GPC6: variants seen among roughly 807,000 people sequenced by gnomAD.
The protein encoded by GPC6 is glypican 6.
GPC6 carries 14 observed loss-of-function variants against 55.2 expected under a neutral mutation model. That is an observed-to-expected ratio of 0.25 (90% CI 0.17 to 0.40). GPC6 has a LOEUF of 0.40. Ranked by LOEUF, GPC6 falls within the 10% of genes least tolerant of loss-of-function variation. GPC6 has a pLI of 1.00. For missense variants in GPC6, 641 were observed against 708.5 expected (o/e 0.90, Z 1.08); for synonymous variants, 278 against 259.6 (o/e 1.07, Z -0.68).
At position 94,179,718 on chromosome 13, in the gene GPC6, A is replaced by T. The variant is rs191658623; in HGVS notation, c.878-106631A>T. Among the ~76,000 whole-genome samples, 17 of 152,354 alleles carry T rather than the reference A, an allele frequency of 1.1e-4. No homozygotes were observed. In the East Asian group the frequency reaches 3.3e-3, roughly 29 times the overall value. ...TTTCTGTAGTTAGCTGAGAAAGCAC[A>T]ACAGGAGGAAAATTTTGCTTTTGAT... On this transcript the variant is annotated intron_variant, in intron 4 of 8. Coordinates refer to ENST00000377047, the MANE Select transcript of GPC6 (RefSeq NM_005708.5).
chr13:93,966,855 A>G (rs9589874), intron 3 of GPC6, among the ~76,000 whole-genome samples: 2,472 of 152,012 alleles, frequency 0.016, 80 homozygotes, highest in African/African-American at 0.057. Context: ...GGGTCTTGCT[A>G]TGTTGCCCAG....
intron 3 of GPC6, among the ~76,000 whole-genome samples, chr13:93,852,895 G>T (rs1268483043): frequency 6.6e-6 from 1 of 151,534 alleles, no homozygotes; most frequent in African/African-American, 2.4e-5. Context: ...GCTTATTAAA[G>T]TTTATTTTGT....
At chr13:94,010,334 A>G (rs1283718507) in intron 3 of GPC6, among the ~76,000 whole-genome samples, 1 of 152,196 alleles carries the variant, frequency 6.6e-6, no homozygotes, top group African/African-American at 2.4e-5. Flanking sequence ...TAACATCAGA[A>G]GGCCAAGGGT....
chr13:93,852,480 C>T lies in GPC6; in HGVS notation c.711+21935C>T, dbSNP rs7326594. 4.6e-3 allele frequency among the ~76,000 whole-genome samples: 702 copies of T among 151,794 alleles called. 7 individuals are homozygous for T. Among genetic ancestry groups the T allele is most frequent in the African/African-American group, 0.016 (673 of 41,482 alleles). On this transcript the variant is annotated intron_variant, in intron 3 of 8. Coordinates refer to ENST00000377047, the MANE Select transcript of GPC6 (RefSeq NM_005708.5). The stretch of plus-strand genomic sequence containing the variant: ...AGCACTCCAAATAATTTCATGATTT[C>T]TACTGGAAATTTTCAGGACTTAGCA...
At chr13:93,312,033 T>G (rs1005125929) in intron 1 of GPC6, among the ~76,000 whole-genome samples, 1 of 152,144 alleles carries the variant, frequency 6.6e-6, no homozygotes, top group Non-Finnish European at 1.5e-5. Flanking sequence ...AATAAACAAC[T>G]CATTAGGAAA....
intron 1 of GPC6, among the ~76,000 whole-genome samples, chr13:93,501,199 G>A (rs1281479635): frequency 2.6e-5 from 4 of 152,046 alleles, no homozygotes; most frequent in Non-Finnish European, 5.9e-5. Context: ...GTTGGTAGTG[G>A]GTTTTGAAGT....
intron 2 of GPC6, among the ~76,000 whole-genome samples, chr13:93,616,544 A>G (rs1443416438): frequency 6.6e-6 from 1 of 152,112 alleles, no homozygotes; most frequent in Admixed American, 6.6e-5. Flanking sequence ...CTTTCTCTGG[A>G]TTTGCAAGAG....
At chr13:93,787,692 A>G (rs1885857937) in intron 2 of GPC6, among the ~76,000 whole-genome samples, 1 of 152,176 alleles carries the variant, frequency 6.6e-6, no homozygotes, top group South Asian at 2.1e-4. Context: ...CAGTTGATTT[A>G]TTCTCTTCTA....
chr13:93,563,177 GA>G (rs1176520250), intron 2 of GPC6, among the ~76,000 whole-genome samples: 3 of 151,884 alleles, frequency 2.0e-5, no homozygotes, highest in African/African-American at 4.8e-5. Context: ...TTCTCACTTC[GA>G]CAATATTGGA....
At chr13:94,213,927 G>T (rs1196365218) in intron 4 of GPC6, among the ~76,000 whole-genome samples, 1 of 152,154 alleles carries the variant, frequency 6.6e-6, no homozygotes, top group African/African-American at 2.4e-5. Flanking sequence ...CTTTAGCTGT[G>T]AAATATTTTT....
At position 93,385,467 on chromosome 13, in the gene GPC6, A is replaced by G. The variant is rs377514634; in HGVS notation, c.160+157851A>G. On this transcript the variant is annotated intron_variant, in intron 1 of 8. Transcript: ENST00000377047. ...GTTCATTCTAACAGCTGCAGAAAAA[A>G]TGGTTTAGAGGCACCTAAAGAGGAT... is the stretch of plus-strand genomic sequence containing the variant. Among the ~76,000 whole-genome samples, 125 of 152,338 alleles carry G rather than the reference A, an allele frequency of 8.2e-4. 1 individual carries two copies. The highest frequency in any genetic ancestry group is 2.8e-3 in the African/African-American group (117 of 41,574).
At chr13:93,894,210 A>G (rs571711013) in intron 3 of GPC6, among the ~76,000 whole-genome samples, 43 of 152,302 alleles carry the variant, frequency 2.8e-4, no homozygotes, top group Non-Finnish European at 5.6e-4. Context: ...CTTAACTCTA[A>G]CATGCTGCTT....
chr13:93,618,814 T>C (rs989391240), intron 2 of GPC6, among the ~76,000 whole-genome samples: 6 of 152,268 alleles, frequency 3.9e-5, no homozygotes, highest in Admixed American at 1.3e-4. Context: ...AACAAACCAT[T>C]AATTATAGAC....
At chr13:94,340,165 G>A (rs911735234) in intron 6 of GPC6, among the ~76,000 whole-genome samples, 1 of 152,114 alleles carries the variant, frequency 6.6e-6, no homozygotes, top group Admixed American at 6.6e-5. Context: ...GGTAAAGAAT[G>A]GTTAAACGGC....
At chr13:93,864,261 G>A (rs1005564729) in intron 3 of GPC6, among the ~76,000 whole-genome samples, 4 of 151,520 alleles carry the variant, frequency 2.6e-5, no homozygotes, top group Admixed American at 6.6e-5. Flanking sequence ...CTTTCTTCCC[G>A]ATCTGTGAAA....
chr13:94,267,679 C>T (rs1267519658), intron 4 of GPC6, among the ~76,000 whole-genome samples: 1 of 152,144 alleles, frequency 6.6e-6, no homozygotes, highest in Admixed American at 6.5e-5. Context: ...AGTGTGATTC[C>T]ATCCTGAAAA....
chr13:94,052,445 A>G (rs7986713), intron 4 of GPC6, among the ~76,000 whole-genome samples: 3,690 of 152,264 alleles, frequency 0.024, 153 homozygotes, highest in African/African-American at 0.084. Context: ...GGGCTAGGTT[A>G]TGAACTGCCT....
At chr13:93,422,232 C>T (rs1876949376) in intron 1 of GPC6, among the ~76,000 whole-genome samples, 1 of 152,120 alleles carries the variant, frequency 6.6e-6, no homozygotes, top group Non-Finnish European at 1.5e-5. Context: ...TTCTAAGCAA[C>T]ACCCTCGAAA....
chr13:93,931,694 G>A (rs1242626899), intron 3 of GPC6, among the ~76,000 whole-genome samples: 1 of 147,568 alleles, frequency 6.8e-6, no homozygotes, highest in Non-Finnish European at 1.5e-5. Context: ...AACCTGAGAA[G>A]CAGAGGTTGC....
Sources: allele counts gnomAD v4.1 joint callset (sites outside exome capture counted in the v4.1 genomes callset), GRCh38; gene constraint gnomAD v4.1.1; transcripts MANE v1.5; gene names NCBI Gene and HGNC (gene_info 2026-07-23, HGNC 2026-07-21).